Variants in DTNA observed in about 807,000 individuals in gnomAD.
The protein encoded by DTNA is dystrobrevin alpha.
In DTNA, 43 loss-of-function variants were observed where a neutral mutation model predicts 100.7. The ratio of observed to expected loss-of-function variants is 0.43; its 90% CI spans 0.33 to 0.55. The LOEUF (loss-of-function observed/expected upper bound fraction) is 0.55, where lower values mean the gene tolerates loss of function less well. Ranked by LOEUF, DTNA falls within the 20% of genes least tolerant of loss-of-function variation. The pLI is 0.04. For synonymous variants in DTNA, 349 were observed against 347.9 expected, an observed-to-expected ratio of 1.00 and a Z score of -0.04; for missense variants, 798 against 953.9, an observed-to-expected ratio of 0.84 and a Z score of 2.15.
At chr18:34,582,765 G>A (rs773464083) in intron 1 of DTNA, among the ~76,000 whole-genome samples, 5 of 151,992 alleles carry the variant, frequency 3.3e-5, no homozygotes, top group African/African-American at 4.8e-5. Context: ...GAAGAAATAG[G>A]GTACAATATT....
At chr18:34,867,880 C>T (rs188656537) in intron 17 of DTNA, 133 of 985,434 alleles carry the variant, frequency 1.3e-4, no homozygotes, top group Admixed American at 4.3e-4. Context: ...GCGGGTACTG[C>T]GGTGTCGGTA....
intron 1 of DTNA, among the ~76,000 whole-genome samples, chr18:34,733,061 C>T (rs1392715701): frequency 6.6e-6 from 1 of 152,192 alleles, no homozygotes; most frequent in Admixed American, 6.5e-5. Flanking sequence ...AGCCAATGTC[C>T]AGTAGTCCCC....
chr18:34,851,782 A>T lies in DTNA; in HGVS notation c.1435-49A>T. The T allele has an allele frequency of 2.5e-6, 4 of 1,590,000 alleles. No individual in the cohort carries two copies. The South Asian group carries it at 4.4e-5, about 18-fold the overall frequency. On this transcript the variant is annotated intron_variant, in intron 14 of 22. Transcript: ENST00000444659. ...TCATGACTCCTGCCTTCCCAAATACATAGGTTCACATTCTCAATATGAAAT... is the reference window on the plus strand; with the variant it reads ...TCATGACTCCTGCCTTCCCAAATACTTAGGTTCACATTCTCAATATGAAAT...
chr18:34,694,330 T>G (rs2080212557), intron 1 of DTNA, among the ~76,000 whole-genome samples: 1 of 152,190 alleles, frequency 6.6e-6, no homozygotes, highest in South Asian at 2.1e-4. Flanking sequence ...TTCTGATGGG[T>G]TTACAAAAGT....
At position 34,760,575 on chromosome 18, in the gene DTNA, C is replaced by T. The variant is rs939269997; in HGVS notation, c.67+4532C>T. On this transcript the variant is annotated intron_variant, in intron 2 of 22. Transcript: ENST00000444659. ...TGCTAATGAAGCAGTCTGAGGAGGG[C>T]TCATTGTCACTCCACTAATAGTGCC... Among the ~76,000 whole-genome samples, 3 of 152,170 alleles carry T rather than the reference C, an allele frequency of 2.0e-5. No individual in the cohort carries two copies. In the South Asian group the frequency reaches 6.2e-4, roughly 32 times the overall value.
chr18:34,634,766 A>G (rs2058479476), intron 1 of DTNA, among the ~76,000 whole-genome samples: 1 of 152,216 alleles, frequency 6.6e-6, no homozygotes, highest in South Asian at 2.1e-4. Flanking sequence ...ATATGTAGAC[A>G]TTGTGGAATG....
chr18:34,610,196 C>A (rs925202974), intron 1 of DTNA, among the ~76,000 whole-genome samples: 1 of 152,148 alleles, frequency 6.6e-6, no homozygotes, highest in Non-Finnish European at 1.5e-5. Flanking sequence ...ATTCTTACAA[C>A]CAAGGCCACT....
At chr18:34,652,633 C>T (rs914433877) in intron 1 of DTNA, among the ~76,000 whole-genome samples, 1 of 152,186 alleles carries the variant, frequency 6.6e-6, no homozygotes, top group Non-Finnish European at 1.5e-5. Flanking sequence ...ACTTTTCCAG[C>T]ACTAGTTTAA....
intron 1 of DTNA, among the ~76,000 whole-genome samples, chr18:34,597,094 C>A (rs764286615): frequency 5.3e-5 from 8 of 152,114 alleles, no homozygotes; most frequent in African/African-American, 1.9e-4. Flanking sequence ...TGAATGAGAA[C>A]GTGTGGTGTT....
intron 10 of DTNA, chr18:34,829,188 C>T: frequency 2.5e-6 from 4 of 1,587,676 alleles, no homozygotes; most frequent in Non-Finnish European, 2.6e-6. Context: ...CCTTTTTTCC[C>T]ATTTTCAGTC....
chr18:34,866,501 CT>C, intron 17 of DTNA: 1 of 1,164,314 alleles, frequency 8.6e-7, no homozygotes, highest in Non-Finnish European at 1.1e-6. Context: ...TAGAGATACC[CT>C]GAGGTTCATG....
At chr18:34,858,488 C>A in intron 16 of DTNA, 90 bp downstream of exon 16, 1 of 1,303,980 alleles carries the variant, frequency 7.7e-7, no homozygotes, top group Non-Finnish European at 1.1e-6. Flanking sequence ...AAACAGTCCT[C>A]AGCTACCTTA....
At chr18:34,738,729 T>C (rs1042510430) in intron 1 of DTNA, among the ~76,000 whole-genome samples, 1 of 152,208 alleles carries the variant, frequency 6.6e-6, no homozygotes, top group African/African-American at 2.4e-5. Flanking sequence ...GGAATGCCAG[T>C]CTGCTTAGTC....
rs1603374641 is a variant in DTNA, at chr18:34,890,693, G to C, written c.*2959G>C. Reference sequence around the variant, plus strand: ...TTGGTCAGGACGGAAGTTGGGGTAAGTTTGGTTGGTCAGAGGGAGTTGTGC... The same window carrying C: ...TTGGTCAGGACGGAAGTTGGGGTAACTTTGGTTGGTCAGAGGGAGTTGTGC... On this transcript the variant is annotated 3_prime_UTR_variant, in exon 23 of 23. Coordinates refer to ENST00000444659, the MANE Select transcript of DTNA (RefSeq NM_001386795.1). The C allele has an allele frequency of 5.1e-6, 3 of 588,662 alleles. No individual in the cohort carries two copies. The highest frequency in any genetic ancestry group is 8.6e-6 in the Non-Finnish European group (3 of 349,314). The allele number at this position is 588,662 out of a possible 1,614,324, so 36.5% of individuals were successfully genotyped here.
intron 1 of DTNA, among the ~76,000 whole-genome samples, chr18:34,637,919 C>T (rs1024322035): frequency 6.6e-6 from 1 of 152,236 alleles, no homozygotes; most frequent in African/African-American, 2.4e-5. Flanking sequence ...TTTGTCATTA[C>T]AGTCTTTTCC....
intron 11 of DTNA, among the ~76,000 whole-genome samples, chr18:34,836,165 TG>T (rs758598922): frequency 5.9e-5 from 9 of 152,214 alleles, no homozygotes; most frequent in Non-Finnish European, 1.0e-4. Flanking sequence ...GTGGGGTAAC[TG>T]TACATCACAG....
At chr18:34,738,036 T>C (rs922656400) in intron 1 of DTNA, among the ~76,000 whole-genome samples, 2 of 152,166 alleles carry the variant, frequency 1.3e-5, no homozygotes, top group African/African-American at 2.4e-5. Flanking sequence ...CTATTGGAAC[T>C]AGCCAGGTTT....
chr18:34,784,774 A>G (rs2094450940), intron 3 of DTNA, among the ~76,000 whole-genome samples: 1 of 152,148 alleles, frequency 6.6e-6, no homozygotes, highest in Non-Finnish European at 1.5e-5. Flanking sequence ...GTAGAGCCTT[A>G]AAAATGCTGG....
intron 1 of DTNA, among the ~76,000 whole-genome samples, chr18:34,538,145 A>G (rs1179187915): frequency 6.6e-6 from 1 of 152,092 alleles, no homozygotes; most frequent in Non-Finnish European, 1.5e-5. Flanking sequence ...TTGAAAACAA[A>G]GGAATAGACA....
Sources: gnomAD v4.1 joint callset for allele counts (sites outside exome capture counted in the v4.1 genomes callset) on GRCh38, gnomAD v4.1.1 for gene constraint, MANE v1.5 for transcripts, NCBI Gene and HGNC (gene_info 2026-07-23, HGNC 2026-07-21) for gene names.